VAT1L: variants seen among roughly 807,000 people sequenced by gnomAD.
The protein encoded by VAT1L is vesicle amine transport 1 like.
VAT1L carries 34 observed loss-of-function variants against 44.1 expected under a neutral mutation model. The observed-to-expected ratio is 0.77, with a 90% CI of 0.59 to 1.03. The LOEUF is 1.03. Ranked by LOEUF, VAT1L falls within the 50% of genes least tolerant of loss-of-function variation. The pLI, the probability that VAT1L is intolerant of heterozygous loss-of-function variation, is 0.00. For synonymous variants in VAT1L, 253 were observed against 202.2 expected (o/e 1.25, Z -2.13); for missense variants, 615 against 538.8 (o/e 1.14, Z -1.40).
chr16:77,854,118 ACT>A (rs2016833719), intron 3 of VAT1L, among the ~76,000 whole-genome samples: 2 of 150,762 alleles, frequency 1.3e-5, no homozygotes, highest in African/African-American at 4.9e-5. Flanking sequence ...ACAGAGTGAG[ACT>A]CTGTCTCAAA....
At chr16:77,847,658 T>C (rs1263970139) in intron 3 of VAT1L, among the ~76,000 whole-genome samples, 4 of 152,176 alleles carry the variant, frequency 2.6e-5, no homozygotes, top group Admixed American at 2.6e-4. Context: ...AAGAAATTCT[T>C]CTTGTGCACA....
In VAT1L at chr16:77,974,341, G is replaced by A. The variant is rs971225296; in HGVS notation, c.1161+2408G>A. Among the ~76,000 whole-genome samples, 19 of 152,270 alleles carry A rather than the reference G, an allele frequency of 1.2e-4. 1 individual carries two copies. Among genetic ancestry groups the A allele is most frequent in the African/African-American group, 4.1e-4 (17 of 41,558 alleles). On this transcript the variant is annotated intron_variant, in intron 8 of 8. Coordinates refer to ENST00000302536, the MANE Select transcript of VAT1L (RefSeq NM_020927.3). Reference sequence around the variant, plus strand: ...GACAGGCTCTAGGCCCATCCTGGAAGCTTATGGCTTTCAAGAAAATAGTTG... The same window carrying A: ...GACAGGCTCTAGGCCCATCCTGGAAACTTATGGCTTTCAAGAAAATAGTTG...
chr16:77,953,016 A>C (rs1488089265), intron 7 of VAT1L, among the ~76,000 whole-genome samples: 5 of 152,102 alleles, frequency 3.3e-5, no homozygotes, highest in Non-Finnish European at 7.4e-5. Flanking sequence ...ACGAGGTCAT[A>C]TCAGATTAGG....
intron 1 of VAT1L, among the ~76,000 whole-genome samples, chr16:77,803,121 G>A (rs537162660): frequency 3.9e-5 from 6 of 152,210 alleles, no homozygotes; most frequent in East Asian, 3.9e-4. Flanking sequence ...TTTAAGACAA[G>A]CCCTGTGCCC....
At chr16:77,958,507 T>A (rs2018128017) in intron 7 of VAT1L, among the ~76,000 whole-genome samples, 1 of 152,200 alleles carries the variant, frequency 6.6e-6, no homozygotes, top group Non-Finnish European at 1.5e-5. Context: ...CCACTTCAGT[T>A]CTATTCAACC....
chr16:77,940,333 C>T (rs985332250), intron 7 of VAT1L, among the ~76,000 whole-genome samples: 2 of 146,558 alleles, frequency 1.4e-5, no homozygotes, highest in African/African-American at 5.0e-5. Flanking sequence ...GTCTAACATA[C>T]CACTTGGTTT....
intron 7 of VAT1L, among the ~76,000 whole-genome samples, chr16:77,897,887 A>C (rs2017340850): frequency 1.3e-5 from 2 of 152,170 alleles, no homozygotes; most frequent in Admixed American, 6.5e-5. Context: ...TTTATTTCCC[A>C]AAACAGTTGT....
intron 3 of VAT1L, among the ~76,000 whole-genome samples, chr16:77,831,823 C>CT (rs934709773): frequency 5.2e-4 from 78 of 150,108 alleles, no homozygotes; most frequent in Non-Finnish European, 7.3e-4. Flanking sequence ...TGTTGTTTTT[C>CT]TTTTTTTTTG....
chr16:77,929,727 A>G (rs1597104077), intron 7 of VAT1L, among the ~76,000 whole-genome samples: 1 of 152,210 alleles, frequency 6.6e-6, no homozygotes, highest in East Asian at 1.9e-4. Flanking sequence ...GACATGAGGT[A>G]GGTGTTGGAA....
intron 7 of VAT1L, among the ~76,000 whole-genome samples, chr16:77,915,342 A>G (rs563956064): frequency 1.3e-5 from 2 of 152,366 alleles, no homozygotes; most frequent in South Asian, 2.1e-4. Flanking sequence ...GTATGCATAT[A>G]CGGATTTTTT....
At chr16:77,810,562 TG>T (rs1380002626) in intron 1 of VAT1L, among the ~76,000 whole-genome samples, 1 of 152,054 alleles carries the variant, frequency 6.6e-6, no homozygotes, top group African/African-American at 2.4e-5. Context: ...CCCAGCACTT[TG>T]GGAAGCCAAA....
At chr16:77,871,079 C>G (rs117908085) in intron 4 of VAT1L, among the ~76,000 whole-genome samples, 4,164 of 152,222 alleles carry the variant, frequency 0.027, 71 homozygotes, top group South Asian at 0.042. Context: ...TTTTGAAATT[C>G]TTACCCGAAG....
chr16:77,898,326 GA>G (rs779285724), intron 7 of VAT1L, among the ~76,000 whole-genome samples: 25 of 152,268 alleles, frequency 1.6e-4, no homozygotes, highest in African/African-American at 3.4e-4. Context: ...ATTTGGAAAA[GA>G]GGGGGGGGAC....
chr16:77,941,711 G>A (rs926892433), intron 7 of VAT1L, among the ~76,000 whole-genome samples: 11 of 152,050 alleles, frequency 7.2e-5, no homozygotes, highest in African/African-American at 2.7e-4. Context: ...TCAGCCTCAT[G>A]AGTAGCTGGG....
At chr16:77,950,098 G>C (rs2018023351) in intron 7 of VAT1L, among the ~76,000 whole-genome samples, 1 of 152,146 alleles carries the variant, frequency 6.6e-6, no homozygotes, top group Non-Finnish European at 1.5e-5. Flanking sequence ...TGTGCTCATT[G>C]TGTTCATTTT....
In VAT1L at chr16:77,788,932, T is replaced by A; in HGVS notation, c.233+17T>A. 1 of 1,454,264 alleles carries A rather than the reference T, an allele frequency of 6.9e-7. No homozygotes were observed. The highest frequency in any genetic ancestry group is 2.6e-5 in the East Asian group (1 of 38,574). The allele number at this position is 1,454,264 out of a possible 1,614,324, so 90.1% of individuals were successfully genotyped here. A position where few individuals can be genotyped will look rare whatever the true frequency, so the allele number is the denominator to read the frequency against. On this transcript the variant is annotated intron_variant, in intron 1 of 8. Coordinates refer to ENST00000302536, the MANE Select transcript of VAT1L (RefSeq NM_020927.3). ...CAAAGCCTGGTCCAGTATCCGCGCC[T>A]TTCTCGCTTTCTCTCTTTTTGCGCG...
intron 7 of VAT1L, among the ~76,000 whole-genome samples, chr16:77,941,983 T>G (rs886238731): frequency 6.6e-5 from 10 of 152,192 alleles, no homozygotes; most frequent in African/African-American, 2.4e-4. Context: ...CAGCATGTTA[T>G]TTTTTTACTT....
chr16:77,954,918 A>C (rs2018085556), intron 7 of VAT1L, among the ~76,000 whole-genome samples: 1 of 152,202 alleles, frequency 6.6e-6, no homozygotes, highest in Non-Finnish European at 1.5e-5. Context: ...CTTTTTTTAA[A>C]GATCAACTCC....
At chr16:77,841,378 T>C (rs1030100522) in intron 3 of VAT1L, among the ~76,000 whole-genome samples, 44 of 152,310 alleles carry the variant, frequency 2.9e-4, no homozygotes, top group African/African-American at 1.0e-3. Flanking sequence ...CCGCCACACC[T>C]GGCCAATAAC....
Sources: allele counts gnomAD v4.1 joint callset (sites outside exome capture counted in the v4.1 genomes callset), GRCh38; gene constraint gnomAD v4.1.1; transcripts MANE v1.5; gene names NCBI Gene and HGNC (gene_info 2026-07-23, HGNC 2026-07-21).